Variants in SYT14 observed in about 807,000 individuals in gnomAD.
SYT14 encodes the protein synaptotagmin-14.
Under a neutral mutation model 74.2 loss-of-function variants are expected in SYT14, and 32 were observed. The observed-to-expected ratio is 0.43, with a 90% CI of 0.33 to 0.58. The LOEUF (loss-of-function observed/expected upper bound fraction) is 0.58, where lower values mean the gene tolerates loss of function less well. Among genes scored for constraint, SYT14 ranks in the 20% least tolerant of loss-of-function variants. The pLI is 0.05. For synonymous variants in SYT14, 298 were observed against 337.7 expected, an observed-to-expected ratio of 0.88 and a Z score of 1.29; for missense variants, 791 against 981.8, an observed-to-expected ratio of 0.81 and a Z score of 2.60.
At chr1:210,047,967 T>G (rs2080917588) in intron 5 of SYT14, among the ~76,000 whole-genome samples, 1 of 152,254 alleles carries the variant, frequency 6.6e-6, no homozygotes, top group East Asian at 1.9e-4. Context: ...GCTACTAACT[T>G]TGCTTGTTTA....
chr1:210,012,994 G>A (rs2080113912), intron 2 of SYT14, among the ~76,000 whole-genome samples: 1 of 151,822 alleles, frequency 6.6e-6, no homozygotes, highest in African/African-American at 2.4e-5. Context: ...GAGCCACCAC[G>A]CCTGGCCTTT....
rs564913311 is a variant in SYT14 at position 209,962,210 on chromosome 1, A to G, written c.-486+9454A>G. 1.7e-4 allele frequency among the ~76,000 whole-genome samples: 26 copies of G among 151,948 alleles called. 1 individual carries two copies. The South Asian group carries it at 5.4e-3, about 32-fold the overall frequency. On this transcript the variant is annotated intron_variant, in intron 2 of 9. Coordinates refer to ENST00000637265, the Ensembl canonical transcript of SYT14. ...TTATTTTAAAAAATATTGTCATAAT[A>G]TGATTCTCTTATTTATGCCATTTTC... is the stretch of plus-strand genomic sequence containing the variant.
intron 5 of SYT14, among the ~76,000 whole-genome samples, chr1:210,072,130 A>AAG (rs960360103): frequency 5.1e-4 from 48 of 94,562 alleles, no homozygotes; most frequent in Admixed American, 6.4e-4. Flanking sequence ...TGGTTAATTA[A>AAG]AGATATATAT....
chr1:210,105,914 G>C (rs1382050672), intron 7 of SYT14, among the ~76,000 whole-genome samples: 1 of 152,150 alleles, frequency 6.6e-6, no homozygotes. Context: ...CTTCTGCTGA[G>C]AGTAAAAGCT....
At chr1:209,980,579 G>C (rs2079465143) in intron 2 of SYT14, among the ~76,000 whole-genome samples, 1 of 151,944 alleles carries the variant, frequency 6.6e-6, no homozygotes, top group African/African-American at 2.4e-5. Context: ...TTATAGTTTT[G>C]GGTTTTACAT....
exon 4 of SYT14, chr1:210,016,503 A>C (rs1259409054): frequency 8.1e-7 from 1 of 1,231,954 alleles, no homozygotes; most frequent in African/African-American, 1.6e-5. Flanking sequence ...ATTTGTCAAG[A>C]ACTTGAAAGT....
chr1:209,966,096 G>A (rs1348703044), intron 2 of SYT14: 4 of 352,406 alleles, frequency 1.1e-5, no homozygotes, highest in Non-Finnish European at 2.2e-5. Flanking sequence ...GGTCTCGATC[G>A]CTTGATCTCA....
intron 5 of SYT14, among the ~76,000 whole-genome samples, chr1:210,036,542 A>G (rs144958480): frequency 3.0e-4 from 45 of 152,002 alleles, no homozygotes; most frequent in African/African-American, 1.0e-3. Flanking sequence ...TCTTTTACCT[A>G]TTCAGTACGA....
At chr1:210,148,779 A>C (rs1345653803) in intron 7 of SYT14, among the ~76,000 whole-genome samples, 1 of 152,194 alleles carries the variant, frequency 6.6e-6, no homozygotes, top group Non-Finnish European at 1.5e-5. Context: ...TTCAGTGAAC[A>C]AGTAACTTCT....
At chr1:210,164,284 ATT>A in exon 10 of SYT14, 1 of 241,676 alleles carries the variant, frequency 4.1e-6, no homozygotes, top group Non-Finnish European at 8.3e-6. Flanking sequence ...TTGGACCACA[ATT>A]AAAAAAAAAG....
chr1:209,938,985 TGAA>T (rs1416138770), intron 1 of SYT14, among the ~76,000 whole-genome samples: 1 of 152,158 alleles, frequency 6.6e-6, no homozygotes, highest in Non-Finnish European at 1.5e-5. Context: ...TACCAGTCTA[TGAA>T]GTGTTATAGT....
intron 7 of SYT14, among the ~76,000 whole-genome samples, chr1:210,119,974 A>C (rs1207831089): frequency 2.0e-5 from 3 of 152,188 alleles, no homozygotes; most frequent in Admixed American, 6.5e-5. Context: ...GAGTAATTCT[A>C]CCATTTTTGG....
exon 4 of SYT14, chr1:210,016,955 G>A: frequency 8.1e-7 from 1 of 1,231,758 alleles, no homozygotes; most frequent in Non-Finnish European, 1.0e-6. Context: ...TAAGTTATCT[G>A]GGAAAATTGA....
At chr1:209,978,130 C>T (rs1181006359) in intron 2 of SYT14, among the ~76,000 whole-genome samples, 5 of 152,102 alleles carry the variant, frequency 3.3e-5, no homozygotes, top group Non-Finnish European at 7.4e-5. Flanking sequence ...AGGTTTTTAA[C>T]TTCTTTGCCA....
At chr1:209,951,895 A>T (rs775803419) in intron 1 of SYT14, among the ~76,000 whole-genome samples, 25 of 152,216 alleles carry the variant, frequency 1.6e-4, no homozygotes, top group Non-Finnish European at 2.9e-4. Context: ...TGCCCACTTA[A>T]CAATTCCACT....
At chr1:210,041,612 T>C (rs74156281) in intron 5 of SYT14, among the ~76,000 whole-genome samples, 2,739 of 152,274 alleles carry the variant, frequency 0.018, 100 homozygotes, top group African/African-American at 0.061. Flanking sequence ...TATACTATAC[T>C]ACCTTTTATC....
chr1:210,030,376 A>C (rs1057039667), intron 5 of SYT14, among the ~76,000 whole-genome samples: 2 of 151,532 alleles, frequency 1.3e-5, no homozygotes, highest in African/African-American at 4.9e-5. Context: ...CTGATCTTTA[A>C]CTCCTGACCT....
At chr1:210,103,114 A>G (rs2082098036) in intron 7 of SYT14, among the ~76,000 whole-genome samples, 1 of 152,142 alleles carries the variant, frequency 6.6e-6, no homozygotes. Context: ...TTTTTCATAG[A>G]TAATAGGAAA....
At chr1:210,132,831 C>T (rs1158776615) in intron 7 of SYT14, among the ~76,000 whole-genome samples, 4 of 152,088 alleles carry the variant, frequency 2.6e-5, no homozygotes, top group African/African-American at 7.2e-5. Context: ...TGGATTCTAG[C>T]GTAGCTGCCT....
Sources: gnomAD v4.1 joint callset for allele counts (sites outside exome capture counted in the v4.1 genomes callset) on GRCh38, gnomAD v4.1.1 for gene constraint, MANE v1.5 for transcripts, NCBI Gene and HGNC (gene_info 2026-07-23, HGNC 2026-07-21) for gene names.